The following GRIP1 variants were observed in gnomAD, a reference collection of about 807,000 sequenced individuals.
GRIP1 encodes glutamate receptor interacting protein 1.
Under a neutral mutation model 129.9 loss-of-function variants are expected in GRIP1, and 45 were observed. The observed-to-expected ratio is 0.35, with a 90% CI of 0.27 to 0.44. The LOEUF (loss-of-function observed/expected upper bound fraction) is 0.44, where lower values mean the gene tolerates loss of function less well. GRIP1 is among the 20% of genes least tolerant of loss of function. GRIP1 has a pLI of 1.00. For synonymous variants in GRIP1, 530 were observed against 520.8 expected, an observed-to-expected ratio of 1.02 and a Z score of -0.24; for missense variants, 1,196 against 1,396.8, an observed-to-expected ratio of 0.86 and a Z score of 2.29.
At chr12:67,038,079 T>G (rs2043124938) in intron 1 of GRIP1, among the ~76,000 whole-genome samples, 1 of 152,230 alleles carries the variant, frequency 6.6e-6, no homozygotes, top group Non-Finnish European at 1.5e-5. Context: ...TGTCTATAAC[T>G]GTTGTCTGAC....
chr12:66,910,397 C>A (rs954731730), intron 1 of GRIP1, among the ~76,000 whole-genome samples: 7 of 152,168 alleles, frequency 4.6e-5, no homozygotes, highest in Non-Finnish European at 8.8e-5. Flanking sequence ...CATGGGCTTG[C>A]AAAACTCCTG....
At chr12:66,864,882 C>T (rs1452661948) in intron 1 of GRIP1, among the ~76,000 whole-genome samples, 2 of 152,142 alleles carry the variant, frequency 1.3e-5, no homozygotes. Flanking sequence ...CTGGCTGGAA[C>T]TGTTGACCAT....
intron 1 of GRIP1, among the ~76,000 whole-genome samples, chr12:67,059,334 C>G (rs1186606513): frequency 6.6e-6 from 1 of 152,202 alleles, no homozygotes; most frequent in African/African-American, 2.4e-5. Context: ...TCCAAATGAG[C>G]TGCCAAGATG....
intron 7 of GRIP1, among the ~76,000 whole-genome samples, chr12:66,485,929 T>C (rs371978896): frequency 9.2e-5 from 14 of 152,076 alleles, no homozygotes; most frequent in East Asian, 5.8e-4. Context: ...TATATACATA[T>C]GTATATATGT....
chr12:66,956,876 T>C (rs924439611), intron 1 of GRIP1, among the ~76,000 whole-genome samples: 1 of 152,182 alleles, frequency 6.6e-6, no homozygotes, highest in Non-Finnish European at 1.5e-5. Flanking sequence ...TATTTATTTC[T>C]GTTATCTACC....
At chr12:66,559,390 A>C (rs534261384) in intron 2 of GRIP1, among the ~76,000 whole-genome samples, 1 of 152,276 alleles carries the variant, frequency 6.6e-6, no homozygotes, top group East Asian at 1.9e-4. Context: ...GAAGAAGTCA[A>C]ATTATCCTTG....
intron 1 of GRIP1, among the ~76,000 whole-genome samples, chr12:66,907,360 A>G (rs185732079): frequency 2.0e-5 from 3 of 152,346 alleles, no homozygotes; most frequent in African/African-American, 7.2e-5. Flanking sequence ...GGCATTGGAA[A>G]TATAGCATTG....
At chr12:66,985,753 C>G (rs1250010895) in intron 1 of GRIP1, among the ~76,000 whole-genome samples, 1 of 152,158 alleles carries the variant, frequency 6.6e-6, no homozygotes, top group Non-Finnish European at 1.5e-5. Context: ...ACATCTCATC[C>G]TGCCCTAAAA....
intron 7 of GRIP1, among the ~76,000 whole-genome samples, chr12:66,483,523 T>G (rs1014226915): frequency 6.6e-5 from 10 of 152,296 alleles, no homozygotes; most frequent in South Asian, 6.2e-4. Context: ...CATGCTAACT[T>G]GAGTTTGGAT....
intron 7 of GRIP1, among the ~76,000 whole-genome samples, chr12:66,476,611 C>T (rs60935597): frequency 0.014 from 2,074 of 152,228 alleles, 56 homozygotes; most frequent in African/African-American, 0.047. Context: ...TGATGAACAT[C>T]GATGCCAAAA....
intron 1 of GRIP1, among the ~76,000 whole-genome samples, chr12:66,950,393 T>C (rs566820583): frequency 6.6e-6 from 1 of 152,222 alleles, no homozygotes; most frequent in Non-Finnish European, 1.5e-5. Context: ...ACATTGTTTT[T>C]GTAGTCAAAA....
intron 7 of GRIP1, among the ~76,000 whole-genome samples, chr12:66,485,039 A>G (rs535562301): frequency 6.6e-6 from 1 of 152,352 alleles, no homozygotes; most frequent in African/African-American, 2.4e-5. Flanking sequence ...TGTAGGAACC[A>G]TAACTAGGTT....
At chr12:66,542,088 T>C (rs988605023) in intron 2 of GRIP1, 138 bp from the exon 3 acceptor site, 21 of 821,890 alleles carry the variant, frequency 2.6e-5, no homozygotes, top group Admixed American at 2.1e-4. Context: ...ATTTGAAGAA[T>C]ATTTCATAAA....
At chr12:66,366,966 G>T (rs1237489140) in intron 23 of GRIP1, among the ~76,000 whole-genome samples, 2 of 152,162 alleles carry the variant, frequency 1.3e-5, no homozygotes, top group Admixed American at 1.3e-4. Context: ...TTATAGGTGT[G>T]AGCCACTGTG....
chr12:66,974,227 TCTTTA>T (rs1286867631), intron 1 of GRIP1, among the ~76,000 whole-genome samples: 1 of 152,034 alleles, frequency 6.6e-6, no homozygotes, highest in Non-Finnish European at 1.5e-5. Flanking sequence ...CCTGGCCTGG[TCTTTA>T]CTTAAGTATT....
At chr12:66,876,553 T>C (rs149492659) in intron 1 of GRIP1, among the ~76,000 whole-genome samples, 311 of 152,212 alleles carry the variant, frequency 2.0e-3, no homozygotes, top group African/African-American at 5.6e-3. Flanking sequence ...CTGATGAATA[T>C]AGCAGCTACA....
At chr12:66,790,728 T>C (rs7306917) in intron 1 of GRIP1, among the ~76,000 whole-genome samples, 9,502 of 151,966 alleles carry the variant, frequency 0.063, 1,006 homozygotes, top group African/African-American at 0.22. Flanking sequence ...GAGTTCAGTT[T>C]AGGAAAAGTC....
At chr12:66,413,945 A>C (rs7300576) in intron 15 of GRIP1, among the ~76,000 whole-genome samples, 150,388 of 152,254 alleles carry the variant, frequency 0.99, 74,308 homozygotes, top group East Asian at 1. Flanking sequence ...AAGGAACATA[A>C]CTCAAAATAG....
chr12:66,988,276 C>CT (rs776043414), intron 1 of GRIP1, among the ~76,000 whole-genome samples: 2 of 152,150 alleles, frequency 1.3e-5, no homozygotes, highest in Non-Finnish European at 2.9e-5. Context: ...GAGTGAAACT[C>CT]TGTCTCAAAA....
Sources: allele counts gnomAD v4.1 joint callset (sites outside exome capture counted in the v4.1 genomes callset), GRCh38; gene constraint gnomAD v4.1.1; transcripts MANE v1.5; gene names NCBI Gene and HGNC (gene_info 2026-07-23, HGNC 2026-07-21).